SESTD1: variants seen among roughly 807,000 people sequenced by gnomAD.
SESTD1 encodes the protein SEC14 domain and spectrin repeat-containing protein 1.
In SESTD1, 43 loss-of-function variants were observed where a neutral mutation model predicts 101.7. That is an observed-to-expected ratio of 0.42 (90% confidence interval 0.33 to 0.55). SESTD1 has a LOEUF of 0.55. Ranked by LOEUF, SESTD1 falls within the 20% of genes least tolerant of loss-of-function variation. The pLI is 0.07. For missense variants in SESTD1, 647 were observed against 815.1 expected, an observed-to-expected ratio of 0.79 and a Z score of 2.51; for synonymous variants, 283 against 286.8, an observed-to-expected ratio of 0.99 and a Z score of 0.13.
chr2:179,209,918 C>T (rs1210442118), intron 1 of SESTD1, among the ~76,000 whole-genome samples: 1 of 133,824 alleles, frequency 7.5e-6, no homozygotes, highest in Non-Finnish European at 1.6e-5. Context: ...GAAAAAAAAG[C>T]TGGTTCTTTG....
At chr2:179,120,735 A>T (rs1370223451) in intron 13 of SESTD1, among the ~76,000 whole-genome samples, 3 of 152,220 alleles carry the variant, frequency 2.0e-5, no homozygotes, top group Non-Finnish European at 4.4e-5. Flanking sequence ...AGTCAGACTG[A>T]AAAGAGTTGA....
At chr2:179,128,707 G>C (rs1396394078) in intron 10 of SESTD1, among the ~76,000 whole-genome samples, 1 of 142,896 alleles carries the variant, frequency 7.0e-6, no homozygotes, top group Non-Finnish European at 1.5e-5. Flanking sequence ...CCAGGCTGGC[G>C]AGAGAGCTAG....
At chr2:179,216,084 G>C (rs1341863382) in intron 1 of SESTD1, among the ~76,000 whole-genome samples, 2 of 135,166 alleles carry the variant, frequency 1.5e-5, no homozygotes, top group Admixed American at 1.4e-4. Flanking sequence ...CACAAGACAA[G>C]GATGCCCTCT....
rs535815711 is a variant in SESTD1 at position 179,109,099 on chromosome 2, C to G, written c.*800G>C. The G allele has an allele frequency of 3.3e-5, 5 of 152,376 alleles. No individual in the cohort carries two copies. The South Asian group carries it at 1.0e-3, about 32-fold the overall frequency. The allele number at this position is 152,376 out of a possible 1,614,324, so 9.4% of individuals were successfully genotyped here. ...AATAGTATTCCATTATTAATAAGTT[C>G]TTAAAGATCTAAATTGTTCACAATA... On this transcript the variant is annotated 3_prime_UTR_variant, in exon 18 of 18. Transcript: ENST00000428443.
chr2:179,230,212 C>T (rs1414104013), intron 1 of SESTD1, among the ~76,000 whole-genome samples: 2 of 146,304 alleles, frequency 1.4e-5, no homozygotes, highest in Non-Finnish European at 3.0e-5. Flanking sequence ...CAGCTCACCC[C>T]AACCTCCACC....
At chr2:179,135,527 G>A (rs1027667660) in intron 9 of SESTD1, among the ~76,000 whole-genome samples, 5 of 152,126 alleles carry the variant, frequency 3.3e-5, no homozygotes, top group African/African-American at 4.8e-5. Context: ...GCTGAGGTGG[G>A]CAGATGGCTT....
chr2:179,232,856 A>G (rs1446485102), intron 1 of SESTD1, among the ~76,000 whole-genome samples: 5 of 152,230 alleles, frequency 3.3e-5, no homozygotes, highest in Non-Finnish European at 7.3e-5. Context: ...AGAACTATAT[A>G]CATGAGAAAC....
chr2:179,220,504 T>A (rs183640317), intron 1 of SESTD1, among the ~76,000 whole-genome samples: 2 of 152,278 alleles, frequency 1.3e-5, no homozygotes, highest in East Asian at 3.9e-4. Context: ...AGGACCTCAT[T>A]ATCTACTGCC....
chr2:179,228,238 C>G (rs547492933), intron 1 of SESTD1, among the ~76,000 whole-genome samples: 1 of 152,082 alleles, frequency 6.6e-6, no homozygotes, highest in Non-Finnish European at 1.5e-5. Flanking sequence ...TGTCTGTGCA[C>G]GCATGTGTGT....
intron 9 of SESTD1, among the ~76,000 whole-genome samples, chr2:179,142,196 GT>G (rs1195566057): frequency 6.6e-6 from 1 of 152,198 alleles, no homozygotes; most frequent in Non-Finnish European, 1.5e-5. Context: ...TAATGGAAGA[GT>G]TAAGCAGCCA....
intron 1 of SESTD1, among the ~76,000 whole-genome samples, chr2:179,242,777 T>C (rs1026247541): frequency 6.6e-6 from 1 of 152,154 alleles, no homozygotes; most frequent in African/African-American, 2.4e-5. Context: ...GGACAGTACC[T>C]TTTACCACAT....
At chr2:179,184,000 A>G (rs1366021914) in intron 2 of SESTD1, among the ~76,000 whole-genome samples, 1 of 152,108 alleles carries the variant, frequency 6.6e-6, no homozygotes, top group African/African-American at 2.4e-5. Context: ...TAACTCACAA[A>G]GGTCAGACAG....
intron 3 of SESTD1, among the ~76,000 whole-genome samples, chr2:179,179,819 C>A (rs1024548592): frequency 6.6e-6 from 1 of 152,058 alleles, no homozygotes; most frequent in Non-Finnish European, 1.5e-5. Flanking sequence ...TCTTCTGATC[C>A]CCCTCCCAGC....
In SESTD1 at chr2:179,106,638, A is replaced by G. The variant is rs2044389141; in HGVS notation, c.*3261T>C. 1.3e-5 allele frequency: 2 copies of G among 152,170 alleles called. No homozygotes were observed. The highest frequency in any genetic ancestry group is 1.5e-5 in the Non-Finnish European group (1 of 68,028). 9.4% of individuals were successfully genotyped at this position (152,170 alleles called of 1,614,324 possible). Reference sequence around the variant, plus strand: ...CAAACATGTTAAGACTAGCTAACACATGGGAGCAATAGCCAATGTAAATTT... The same window carrying G: ...CAAACATGTTAAGACTAGCTAACACGTGGGAGCAATAGCCAATGTAAATTT... On this transcript the variant is annotated 3_prime_UTR_variant, in exon 18 of 18. Transcript: ENST00000428443.
At chr2:179,156,805 T>C (rs2045641664) in intron 5 of SESTD1, among the ~76,000 whole-genome samples, 1 of 152,238 alleles carries the variant, frequency 6.6e-6, no homozygotes. Context: ...CATTTTGCCA[T>C]ACAAAAGCTC....
intron 5 of SESTD1, among the ~76,000 whole-genome samples, chr2:179,153,889 A>C (rs1180165619): frequency 2.0e-5 from 3 of 152,130 alleles, no homozygotes; most frequent in Non-Finnish European, 2.9e-5. Context: ...TAAATCAATG[A>C]GTGCATACTG....
chr2:179,258,380 A>T (rs1159109718), intron 1 of SESTD1, among the ~76,000 whole-genome samples: 1 of 152,250 alleles, frequency 6.6e-6, no homozygotes, highest in Non-Finnish European at 1.5e-5. Flanking sequence ...AGCACAAAGC[A>T]TGCAAGGATA....
rs149365667 is a variant in SESTD1, at chr2:179,188,332, T to C, written c.55+3455A>G. ...TAAACAGCTTGCATTTGAATGAATGTTGTGTAAACAAAATTAAGGCAGAAA... is the reference window on the plus strand; with the variant it reads ...TAAACAGCTTGCATTTGAATGAATGCTGTGTAAACAAAATTAAGGCAGAAA... On this transcript the variant is annotated intron_variant, in intron 2 of 17. Transcript: ENST00000428443. Among the ~76,000 whole-genome samples, 648 of 152,326 alleles carry C rather than the reference T, an allele frequency of 4.3e-3. 2 individuals carry two copies. The highest frequency in any genetic ancestry group is 0.014 in the African/African-American group (599 of 41,564).
At chr2:179,196,124 C>T (rs771885768) in intron 1 of SESTD1, among the ~76,000 whole-genome samples, 4 of 152,138 alleles carry the variant, frequency 2.6e-5, no homozygotes, top group South Asian at 2.1e-4. Flanking sequence ...CGAAGCAGGG[C>T]GAGGCATTGC....
Sources: allele counts gnomAD v4.1 joint callset (sites outside exome capture counted in the v4.1 genomes callset), GRCh38; gene constraint gnomAD v4.1.1; transcripts MANE v1.5; gene names NCBI Gene and HGNC (gene_info 2026-07-23, HGNC 2026-07-21).